ABR: variants seen among roughly 807,000 people sequenced by gnomAD.
ABR encodes active breakpoint cluster region-related protein.
A neutral mutation model predicts 107.2 loss-of-function variants in ABR; 35 were observed. That is an observed-to-expected ratio of 0.33 (90% CI 0.25 to 0.43). The LOEUF is 0.43. ABR is among the 20% of genes least tolerant of loss of function. ABR has a pLI of 1.00. For missense variants in ABR, 815 were observed against 1,115.2 expected (o/e 0.73, Z 3.83); for synonymous variants, 498 against 462.0 (o/e 1.08, Z -1.00).
intron 1 of ABR, among the ~76,000 whole-genome samples, chr17:1,136,264 T>C (rs552157473): frequency 2.0e-5 from 3 of 152,364 alleles, no homozygotes; most frequent in East Asian, 3.9e-4. Flanking sequence ...AGTCTGGCTC[T>C]GTTGCCCAGG....
intron 16 of ABR, among the ~76,000 whole-genome samples, chr17:1,026,654 G>A (rs755504205): frequency 1.3e-5 from 2 of 152,180 alleles, no homozygotes; most frequent in African/African-American, 2.4e-5. Context: ...CTGACGCTGC[G>A]TTTCTCCCCA....
At chr17:1,168,483 G>A (rs1285987369) in intron 1 of ABR, among the ~76,000 whole-genome samples, 3 of 152,166 alleles carry the variant, frequency 2.0e-5, no homozygotes, top group African/African-American at 4.8e-5. Context: ...TTTGCAGGAT[G>A]GTGAGAGGCC....
intron 2 of ABR, among the ~76,000 whole-genome samples, chr17:1,122,163 A>G (rs1227007984): frequency 2.0e-5 from 3 of 152,212 alleles, no homozygotes; most frequent in African/African-American, 7.2e-5. Context: ...TCAGTCTCCC[A>G]GAGTGCTGGG....
rs567045487 is a variant in ABR, at chr17:1,084,017, G to T, written c.532-390C>A. 1.3e-5 allele frequency among the ~76,000 whole-genome samples: 2 copies of T among 152,148 alleles called. No homozygotes were observed. The highest frequency in any genetic ancestry group is 2.9e-5 in the Non-Finnish European group (2 of 68,028). The stretch of plus-strand genomic sequence containing the variant: ...GAATTAGCCGGAGCAGGGAGAGAGG[G>T]GGGTGTGTGTGCTGGGGGGAGCTGG... On this transcript the variant is annotated intron_variant, in intron 4 of 22. Coordinates refer to ENST00000302538, the MANE Select transcript of ABR (RefSeq NM_021962.5). The surrounding 1 kb of genome is among the most constrained non-coding windows in gnomAD (Gnocchi z 4.2).
At chr17:1,105,948 T>C (rs2038218040) in intron 2 of ABR, among the ~76,000 whole-genome samples, 12 of 152,126 alleles carry the variant, frequency 7.9e-5, no homozygotes, top group Admixed American at 7.9e-4. Context: ...GACAAATAAG[T>C]TCCTTAAAAT....
At chr17:1,109,249 C>T in intron 2 of ABR, 2 of 796,250 alleles carry the variant, frequency 2.5e-6, no homozygotes, top group Non-Finnish European at 3.5e-6. Flanking sequence ...GCCGCCGCCG[C>T]CGCCTCGCGC....
chr17:1,113,388 C>G (rs1289847161), intron 2 of ABR, among the ~76,000 whole-genome samples: 2 of 143,424 alleles, frequency 1.4e-5, no homozygotes, highest in Non-Finnish European at 3.0e-5. Flanking sequence ...CTCGGTTCAA[C>G]CCATTCTTTC....
chr17:1,016,920 G>C (rs1326277283), intron 16 of ABR, among the ~76,000 whole-genome samples: 1 of 152,136 alleles, frequency 6.6e-6, no homozygotes, highest in African/African-American at 2.4e-5. Flanking sequence ...AGGGAAACTG[G>C]ATCTGGGTCA....
chr17:1,031,745 G>GGT (rs955391100), intron 16 of ABR: 14 of 1,199,076 alleles, frequency 1.2e-5, no homozygotes, highest in Non-Finnish European at 1.3e-5. Context: ...CGGTCATGCC[G>GGT]GGGGGGACGG....
chr17:1,153,592 C>T lies in ABR; in HGVS notation c.61+26075G>A, dbSNP rs12951292. 1.2e-3 allele frequency among the ~76,000 whole-genome samples: 66 copies of T among 54,188 alleles called. 1 individual carries two copies. The highest frequency in any genetic ancestry group is 2.3e-3 in the East Asian group (2 of 882). The allele number at this position is 54,188 out of a possible 152,430, so 35.5% of individuals were successfully genotyped here. A position where few individuals can be genotyped will look rare whatever the true frequency, so the allele number is the denominator to read the frequency against. On this transcript the variant is annotated intron_variant, in intron 1 of 22. Coordinates refer to ENST00000302538, the MANE Select transcript of ABR (RefSeq NM_021962.5). ...GGCACACCTGCGGGAGGGCTGGGGA[C>T]CCAGGCACACCTGCGGGAGGGCTGG... is the stretch of plus-strand genomic sequence containing the variant.
intron 2 of ABR, among the ~76,000 whole-genome samples, chr17:1,113,158 C>T (rs1359931600): frequency 2.6e-5 from 4 of 152,118 alleles, no homozygotes; most frequent in African/African-American, 9.6e-5. Context: ...GACCTGGTGA[C>T]TGACTCCCAA....
chr17:1,159,309 CAA>C lies in ABR; in HGVS notation c.61+20356_61+20357del, dbSNP rs548140510. Among the ~76,000 whole-genome samples, 35 of 46,034 alleles carry C rather than the reference CAA, an allele frequency of 7.6e-4. 2 individuals carry two copies. Among genetic ancestry groups the C allele is most frequent in the South Asian group, 1.6e-3 (2 of 1,222 alleles). 30.2% of individuals were successfully genotyped at this position (46,034 alleles called of 152,430 possible). ...GAGGTAAGAATGCGGTACTCACACA[CAA>C]GGGAAGTAAGAATGCAGTACTCACG... On this transcript the variant is annotated intron_variant, in intron 1 of 22. Coordinates refer to ENST00000302538, the MANE Select transcript of ABR (RefSeq NM_021962.5).
chr17:1,179,744 G>T lies in ABR; in HGVS notation c.-17C>A, dbSNP rs762697628. On this transcript the variant is annotated 5_prime_UTR_variant, in exon 1 of 23. Transcript: ENST00000302538. This position sits in a 1 kb window ranked among gnomAD's most constrained non-coding sequence, Gnocchi z 4.9. ...CGGCTCCATCCCGCGGCGGCGGCTC[G>T]GTCAGATCCGAAACCCGACCCTCAT... 3.0e-5 allele frequency: 46 copies of T among 1,508,442 alleles called. No homozygotes were observed. The South Asian group carries it at 5.2e-4, about 17-fold the overall frequency. 93.4% of individuals were successfully genotyped at this position (1,508,442 alleles called of 1,614,324 possible).
intron 1 of ABR, among the ~76,000 whole-genome samples, chr17:1,215,637 G>T (rs8070433): frequency 0.95 from 140,804 of 147,492 alleles, 67,397 homozygotes; most frequent in Non-Finnish European, 0.99. Flanking sequence ...AGTGCCCAGA[G>T]TGCAGCCTCT....
Position 1,073,652 on chromosome 17 carries a change from C to T in ABR, c.726G>A (p.Arg242=), listed in dbSNP as rs1219171204. The change falls in exon 7 of 23, where the codon CGG becomes CGA. Residue 242 remains arginine (R), a synonymous_variant. Coordinates refer to ENST00000302538, the MANE Select transcript of ABR (RefSeq NM_021962.5). The part of the protein sequence containing the change: ...MEALLYKPID[R]VTRSTLVLHD... ...GTAGGACTAGGGTGCTCCGAGTGAC[C>T]CGGTCAATGGGCTTGTAGAGCAGAG... 6.2e-7 allele frequency: 1 copy of T among 1,605,392 alleles called. No individual in the cohort carries two copies. Among genetic ancestry groups the T allele is most frequent in the Non-Finnish European group, 8.5e-7 (1 of 1,174,916 alleles).
At chr17:1,216,557 C>G (rs2043014424) in intron 1 of ABR, among the ~76,000 whole-genome samples, 1 of 152,220 alleles carries the variant, frequency 6.6e-6, no homozygotes, top group Non-Finnish European at 1.5e-5. Flanking sequence ...TCCCATCTTT[C>G]AAGAAAATCC....
At position 1,200,254 on chromosome 17, in the gene ABR, T is replaced by C. The variant is rs1196097125; in HGVS notation, c.838+28539A>G. On this transcript the variant is annotated intron_variant, in intron 1 of 22. Transcript: ENST00000574139. This position sits in a 1 kb window ranked among gnomAD's most constrained non-coding sequence, Gnocchi z 4.1. ...AAAATAACCTAGAGATAAGTTAAAG[T>C]ACACGGGGGTCGGGGGCAGGCATGG... Among the ~76,000 whole-genome samples the C allele has an allele frequency of 6.6e-6, 1 of 152,068 alleles. No homozygotes were observed. Among genetic ancestry groups the C allele is most frequent in the Admixed American group, 6.6e-5 (1 of 15,258 alleles).
intron 1 of ABR, among the ~76,000 whole-genome samples, chr17:1,202,175 G>A (rs2042683989): frequency 6.6e-6 from 1 of 152,172 alleles, no homozygotes; most frequent in African/African-American, 2.4e-5. Context: ...CCAGGTTGGG[G>A]CACCACCATG....
chr17:1,221,062 T>C (rs893197793), intron 1 of ABR, among the ~76,000 whole-genome samples: 1 of 152,224 alleles, frequency 6.6e-6, no homozygotes, highest in Non-Finnish European at 1.5e-5. Flanking sequence ...TTGTGCCGTG[T>C]GGGGCCCGCT....
Sources: allele counts gnomAD v4.1 joint callset (sites outside exome capture counted in the v4.1 genomes callset), GRCh38; gene constraint gnomAD v4.1.1; non-coding constraint Gnocchi (gnomAD v3.1); transcripts MANE v1.5; gene names NCBI Gene and HGNC (gene_info 2026-07-23, HGNC 2026-07-21).